The following STXBP4 variants were observed in gnomAD, a reference collection of about 807,000 sequenced individuals.
The protein encoded by STXBP4 is syntaxin-binding protein 4.
In STXBP4, 55 loss-of-function variants were observed where a neutral mutation model predicts 76.1. The observed-to-expected ratio is 0.72, with a 90% CI of 0.58 to 0.91. The LOEUF (loss-of-function observed/expected upper bound fraction) is 0.91. Ranked by LOEUF, STXBP4 falls within the 40% of genes least tolerant of loss-of-function variation. The pLI is 0.00. For synonymous variants in STXBP4, 201 were observed against 220.2 expected (o/e 0.91, Z 0.77); for missense variants, 618 against 636.9 (o/e 0.97, Z 0.32).
intron 4 of STXBP4, 190 bp downstream of exon 4, chr17:54,991,147 T>C (rs991543250): frequency 4.9e-6 from 2 of 409,856 alleles, no homozygotes; most frequent in Non-Finnish European, 3.9e-6. Context: ...AGGTTCTTCT[T>C]CTATGAAAAT....
chr17:55,166,504 T>C lies in STXBP4; in HGVS notation c.*6593T>C, dbSNP rs1161260369. The C allele has an allele frequency of 2.0e-5, 3 of 152,226 alleles. No individual in the cohort carries two copies. Among genetic ancestry groups the C allele is most frequent in the South Asian group, 2.1e-4 (1 of 4,822 alleles). 9.4% of individuals were successfully genotyped at this position (152,226 alleles called of 1,614,324 possible). A position where few individuals can be genotyped will look rare whatever the true frequency, so the allele number is the denominator to read the frequency against. On this transcript the variant is annotated 3_prime_UTR_variant, in exon 18 of 18. Coordinates refer to ENST00000376352, the MANE Select transcript of STXBP4 (RefSeq NM_178509.6). ...GCTTTCTCCCTAGCCTCATGTCTTATCACCAACAGTTGCTCAGATATACTG... is the reference window on the plus strand; with the variant it reads ...GCTTTCTCCCTAGCCTCATGTCTTACCACCAACAGTTGCTCAGATATACTG...
At chr17:55,152,555 A>G (rs759805770) in intron 17 of STXBP4, among the ~76,000 whole-genome samples, 9 of 152,186 alleles carry the variant, frequency 5.9e-5, no homozygotes, top group Admixed American at 2.0e-4. Flanking sequence ...GCAACTTACA[A>G]TCATGGCAGA....
chr17:55,115,748 T>C (rs1288959849), intron 16 of STXBP4, among the ~76,000 whole-genome samples: 2 of 151,878 alleles, frequency 1.3e-5, no homozygotes, highest in Non-Finnish European at 3.0e-5. Context: ...GTAATGAATC[T>C]GAAACTTAAA....
intron 1 of STXBP4, among the ~76,000 whole-genome samples, chr17:54,970,477 A>G (rs948171743): frequency 6.6e-6 from 1 of 152,098 alleles, no homozygotes; most frequent in Admixed American, 6.5e-5. Flanking sequence ...AAATATAAAT[A>G]CCTTCTGACT....
At chr17:54,969,122 A>G (rs2077342293) in intron 1 of STXBP4, among the ~76,000 whole-genome samples, 1 of 152,118 alleles carries the variant, frequency 6.6e-6, no homozygotes, top group African/African-American at 2.4e-5. Context: ...CCTCATGGGC[A>G]CCCACGACAC....
intron 16 of STXBP4, among the ~76,000 whole-genome samples, chr17:55,105,580 C>T (rs1230073285): frequency 6.6e-6 from 1 of 151,660 alleles, no homozygotes; most frequent in Non-Finnish European, 1.5e-5. Context: ...CACCATTCTC[C>T]TGCCTCAGCC....
At chr17:55,017,249 C>T (rs1440658595) in intron 8 of STXBP4, among the ~76,000 whole-genome samples, 1 of 152,106 alleles carries the variant, frequency 6.6e-6, no homozygotes, top group Non-Finnish European at 1.5e-5. Flanking sequence ...TCTCTCCTCT[C>T]TGCCTCTGTC....
chr17:55,101,607 A>G (rs2079567288), intron 16 of STXBP4, among the ~76,000 whole-genome samples: 2 of 152,334 alleles, frequency 1.3e-5, no homozygotes, highest in Admixed American at 6.5e-5. Flanking sequence ...CATGCATTCA[A>G]TAAGAAAGAG....
At chr17:54,991,191 AT>A (rs1417296957) in intron 4 of STXBP4, 1 of 261,720 alleles carries the variant, frequency 3.8e-6, no homozygotes, top group African/African-American at 2.2e-5. Flanking sequence ...TAAGGTTATT[AT>A]TTTTAAATTA....
intron 16 of STXBP4, among the ~76,000 whole-genome samples, chr17:55,122,899 C>T (rs981335577): frequency 4.6e-5 from 7 of 152,012 alleles, no homozygotes; most frequent in African/African-American, 1.7e-4. Flanking sequence ...AAAATATATC[C>T]TTAAAGAACA....
At chr17:55,108,625 G>C (rs765739260) in intron 16 of STXBP4, among the ~76,000 whole-genome samples, 1 of 152,164 alleles carries the variant, frequency 6.6e-6, no homozygotes, top group Non-Finnish European at 1.5e-5. Context: ...CGTTCCTCAC[G>C]GCACAGTCCC....
At chr17:55,128,595 CTTTTG>C (rs869246632) in intron 16 of STXBP4, among the ~76,000 whole-genome samples, 4 of 151,758 alleles carry the variant, frequency 2.6e-5, no homozygotes, top group Admixed American at 1.3e-4. Flanking sequence ...TTTCATAGTC[CTTTTG>C]TTTGTTTGTT....
intron 8 of STXBP4, among the ~76,000 whole-genome samples, chr17:55,029,456 G>A (rs1371690794): frequency 6.6e-6 from 1 of 151,610 alleles, no homozygotes; most frequent in Non-Finnish European, 1.5e-5. Flanking sequence ...ACATATCAAT[G>A]AGTAATTGAT....
chr17:55,006,017 A>ATG (rs968230502), intron 7 of STXBP4, among the ~76,000 whole-genome samples: 4 of 152,026 alleles, frequency 2.6e-5, no homozygotes, highest in Non-Finnish European at 5.9e-5. Context: ...ATATATGTAT[A>ATG]TGTGTGTGTA....
At chr17:55,081,461 A>G (rs2079254226) in intron 16 of STXBP4, among the ~76,000 whole-genome samples, 1 of 152,182 alleles carries the variant, frequency 6.6e-6, no homozygotes, top group African/African-American at 2.4e-5. Flanking sequence ...AGCACTGGAA[A>G]CTGGAGGAGT....
At chr17:55,027,003 T>C (rs2078428682) in intron 8 of STXBP4, among the ~76,000 whole-genome samples, 1 of 152,112 alleles carries the variant, frequency 6.6e-6, no homozygotes, top group South Asian at 2.1e-4. Flanking sequence ...AGCTGAAATT[T>C]AGCTAGCTGC....
chr17:55,077,483 A>T (rs1161921869), intron 13 of STXBP4, among the ~76,000 whole-genome samples: 2 of 152,118 alleles, frequency 1.3e-5, no homozygotes, highest in Middle Eastern at 6.3e-3. Flanking sequence ...TGTGAAGTTT[A>T]CTTCTTCCCA....
At chr17:55,195,963 T>C in the STXBP4 span, among the ~76,000 whole-genome samples, 4 of 152,190 alleles carry the variant, frequency 2.6e-5, no homozygotes, top group African/African-American at 9.6e-5. Context: ...ATATCCTGTA[T>C]GTCCAAAATG....
At chr17:54,987,579 A>G (rs2077644206) in intron 3 of STXBP4, among the ~76,000 whole-genome samples, 1 of 152,026 alleles carries the variant, frequency 6.6e-6, no homozygotes, top group African/African-American at 2.4e-5. Flanking sequence ...TATTGTGTGG[A>G]TGTACCATGG....
Sources: allele counts gnomAD v4.1 joint callset (sites outside exome capture counted in the v4.1 genomes callset), GRCh38; gene constraint gnomAD v4.1.1; transcripts MANE v1.5; gene names NCBI Gene and HGNC (gene_info 2026-07-23, HGNC 2026-07-21).